Variants in PPP3CA observed in about 807,000 individuals in gnomAD.
PPP3CA encodes CAM-PRP catalytic subunit.
Under a neutral mutation model 66.5 loss-of-function variants are expected in PPP3CA, and 14 were observed. The ratio of observed to expected loss-of-function variants is 0.21; its 90% CI spans 0.14 to 0.33. The LOEUF is 0.33. PPP3CA is among the 10% of genes least tolerant of loss of function. The pLI, the probability that PPP3CA is intolerant of heterozygous loss-of-function variation, is 1.00. For synonymous variants in PPP3CA, 232 were observed against 226.2 expected, an observed-to-expected ratio of 1.03 and a Z score of -0.23; for missense variants, 317 against 639.5, an observed-to-expected ratio of 0.50 and a Z score of 5.44.
chr4:101,223,662 A>G (rs1247774694), intron 1 of PPP3CA, among the ~76,000 whole-genome samples: 6 of 151,786 alleles, frequency 4.0e-5, no homozygotes, highest in Admixed American at 3.9e-4. Context: ...TTAAAAAGAA[A>G]CATTTTTCTC....
At chr4:101,284,012 C>T (rs928834995) in intron 1 of PPP3CA, among the ~76,000 whole-genome samples, 4 of 152,134 alleles carry the variant, frequency 2.6e-5, no homozygotes, top group South Asian at 4.1e-4. Flanking sequence ...ATTTCAAGTG[C>T]TAAATAGTCA....
chr4:101,315,250 G>A (rs1728849421), intron 1 of PPP3CA, among the ~76,000 whole-genome samples: 2 of 152,166 alleles, frequency 1.3e-5, no homozygotes, highest in East Asian at 1.9e-4. Context: ...ATCTGCCCAT[G>A]CTGGCACCCT....
chr4:101,147,769 A>G (rs1356181442), intron 2 of PPP3CA, among the ~76,000 whole-genome samples: 1 of 152,098 alleles, frequency 6.6e-6, no homozygotes, highest in Non-Finnish European at 1.5e-5. Context: ...ACATATCCAT[A>G]TACTATATTT....
intron 2 of PPP3CA, among the ~76,000 whole-genome samples, chr4:101,174,827 A>G (rs888261757): frequency 6.6e-6 from 1 of 152,162 alleles, no homozygotes; most frequent in Admixed American, 6.5e-5. Context: ...CCAGACAGCT[A>G]TAAGAGCTTG....
chr4:101,174,358 A>C (rs1723987279), intron 2 of PPP3CA, among the ~76,000 whole-genome samples: 1 of 152,152 alleles, frequency 6.6e-6, no homozygotes, highest in Non-Finnish European at 1.5e-5. Flanking sequence ...ATATCACAAA[A>C]TTAATTGGGG....
At chr4:101,169,068 C>T (rs889590078) in intron 2 of PPP3CA, among the ~76,000 whole-genome samples, 21 of 152,248 alleles carry the variant, frequency 1.4e-4, no homozygotes, top group African/African-American at 3.4e-4. Flanking sequence ...GAAATTGAGA[C>T]GCTCACTTTT....
intron 1 of PPP3CA, among the ~76,000 whole-genome samples, chr4:101,310,590 T>C (rs770419092): frequency 2.0e-5 from 3 of 152,106 alleles, no homozygotes; most frequent in Non-Finnish European, 2.9e-5. Flanking sequence ...GGAGGATCAC[T>C]TCAGCCCAGG....
chr4:101,117,800 G>T (rs1286492311), intron 2 of PPP3CA, among the ~76,000 whole-genome samples: 4 of 151,834 alleles, frequency 2.6e-5, no homozygotes, highest in Admixed American at 2.6e-4. Flanking sequence ...TATTTGATAT[G>T]TGAATTTATT....
intron 2 of PPP3CA, among the ~76,000 whole-genome samples, chr4:101,161,906 A>G (rs1178398220): frequency 1.3e-5 from 2 of 152,136 alleles, no homozygotes; most frequent in Non-Finnish European, 2.9e-5. Flanking sequence ...TATACATTCT[A>G]TAGAAAAATT....
intron 2 of PPP3CA, among the ~76,000 whole-genome samples, chr4:101,156,581 G>A (rs1460882084): frequency 6.6e-6 from 1 of 152,148 alleles, no homozygotes; most frequent in Non-Finnish European, 1.5e-5. Flanking sequence ...TCGGGAGACT[G>A]AGGCAGGAGA....
At chr4:101,163,168 A>G (rs1467677390) in intron 2 of PPP3CA, among the ~76,000 whole-genome samples, 1 of 152,154 alleles carries the variant, frequency 6.6e-6, no homozygotes, top group East Asian at 1.9e-4. Context: ...TTTGGCAGGC[A>G]TTTCCTGCAT....
intron 1 of PPP3CA, among the ~76,000 whole-genome samples, chr4:101,292,597 C>A (rs1728064350): frequency 2.6e-5 from 4 of 152,206 alleles, no homozygotes; most frequent in Admixed American, 1.3e-4. Context: ...AGCCTCTATG[C>A]TTTGGCAATG....
intron 2 of PPP3CA, among the ~76,000 whole-genome samples, chr4:101,115,907 T>C (rs939297156): frequency 6.6e-6 from 1 of 151,916 alleles, no homozygotes; most frequent in Non-Finnish European, 1.5e-5. Context: ...AATTAGGTTG[T>C]CTGGGGACAG....
intron 1 of PPP3CA, among the ~76,000 whole-genome samples, chr4:101,314,902 GAAC>G (rs1728838490): frequency 6.6e-6 from 1 of 152,024 alleles, no homozygotes; most frequent in African/African-American, 2.4e-5. Context: ...CTTCGCAGAA[GAAC>G]AACATATTTC....
intron 1 of PPP3CA, among the ~76,000 whole-genome samples, chr4:101,217,657 G>A (rs1427702361): frequency 6.6e-6 from 1 of 152,094 alleles, no homozygotes. Context: ...ATCGCTTTGC[G>A]TTTTCAAAAG....
At chr4:101,072,999 T>C (rs1039411488) in intron 8 of PPP3CA, among the ~76,000 whole-genome samples, 1 of 150,762 alleles carries the variant, frequency 6.6e-6, no homozygotes, top group African/African-American at 2.4e-5. Context: ...ACAATGATAA[T>C]GACAATGGTA....
chr4:101,080,659 T>G (rs1314601330), intron 7 of PPP3CA, 33 bp from the exon 8 acceptor site: 1 of 1,289,780 alleles, frequency 7.8e-7, no homozygotes, highest in Non-Finnish European at 1.1e-6. Flanking sequence ...AAACAAAGCT[T>G]GTATGGAAAA....
At chr4:101,168,212 G>A (rs750455199) in intron 2 of PPP3CA, among the ~76,000 whole-genome samples, 10 of 152,176 alleles carry the variant, frequency 6.6e-5, no homozygotes, top group Non-Finnish European at 1.5e-4. Flanking sequence ...CAGACAGACT[G>A]TGTACAGGAT....
chr4:101,319,191 G>C (rs1268344705), intron 1 of PPP3CA, among the ~76,000 whole-genome samples: 1 of 150,354 alleles, frequency 6.7e-6, no homozygotes, highest in African/African-American at 2.4e-5. Context: ...AAAAAGCCTG[G>C]CTTTAAAAAG....
Sources: allele counts gnomAD v4.1 joint callset (sites outside exome capture counted in the v4.1 genomes callset), GRCh38; gene constraint gnomAD v4.1.1; transcripts MANE v1.5; gene names NCBI Gene and HGNC (gene_info 2026-07-23, HGNC 2026-07-21).